TNFSF13B: variants seen among roughly 807,000 people sequenced by gnomAD.
TNFSF13B encodes the protein TNF superfamily member 13b.
In TNFSF13B, 8 loss-of-function variants were observed where a neutral mutation model predicts 29.1. The ratio of observed to expected loss-of-function variants is 0.27; its 90% CI spans 0.16 to 0.50. The LOEUF is 0.50. Ranked by LOEUF, TNFSF13B falls within the 20% of genes least tolerant of loss-of-function variation. The pLI, the probability that TNFSF13B is intolerant of heterozygous loss-of-function variation, is 0.98. For synonymous variants in TNFSF13B, 125 were observed against 130.8 expected (o/e 0.96, Z 0.30); for missense variants, 248 against 334.9 (o/e 0.74, Z 2.03).
At chr13:108,283,090 G>A (rs1881005071) in intron 2 of TNFSF13B, among the ~76,000 whole-genome samples, 1 of 152,160 alleles carries the variant, frequency 6.6e-6, no homozygotes, top group South Asian at 2.1e-4. Context: ...CTCTTTGTGA[G>A]GCAAATCTCT....
At chr13:108,301,021 C>G (rs1401871190) in intron 3 of TNFSF13B, among the ~76,000 whole-genome samples, 2 of 152,150 alleles carry the variant, frequency 1.3e-5, no homozygotes, top group Non-Finnish European at 2.9e-5. Flanking sequence ...TGGTTATCAC[C>G]TAGGATTCTT....
chr13:108,298,092 C>CT (rs1245015319), intron 3 of TNFSF13B, among the ~76,000 whole-genome samples: 1 of 144,676 alleles, frequency 6.9e-6, no homozygotes, highest in African/African-American at 2.6e-5. Context: ...ATTTTCACTT[C>CT]TTTTTTTTAG....
chr13:108,294,292 A>C (rs1594529811), intron 3 of TNFSF13B, among the ~76,000 whole-genome samples: 1 of 151,162 alleles, frequency 6.6e-6, no homozygotes, highest in Non-Finnish European at 1.5e-5. Flanking sequence ...TGATTCTCGC[A>C]CCTCAGCCTC....
intron 2 of TNFSF13B, among the ~76,000 whole-genome samples, chr13:108,282,307 A>G (rs987565082): frequency 3.3e-5 from 5 of 152,240 alleles, no homozygotes; most frequent in Non-Finnish European, 7.3e-5. Context: ...TGCGTTATTT[A>G]TGGTAGTTCA....
intron 2 of TNFSF13B, among the ~76,000 whole-genome samples, chr13:108,277,484 A>G (rs913710736): frequency 6.6e-6 from 1 of 151,992 alleles, no homozygotes; most frequent in Non-Finnish European, 1.5e-5. Flanking sequence ...GTCGCCAGAG[A>G]AATGTTACAG....
Position 108,307,226 on chromosome 13 carries a change from T to C in TNFSF13B, c.*288T>C, listed in dbSNP as rs1881804855. 3.9e-6 allele frequency: 1 copy of C among 259,224 alleles called. No homozygotes were observed. The allele number at this position is 259,224 out of a possible 1,614,324, so 16.1% of individuals were successfully genotyped here. On this transcript the variant is annotated 3_prime_UTR_variant, in exon 6 of 6. Coordinates refer to ENST00000375887, the MANE Select transcript of TNFSF13B (RefSeq NM_006573.5). ...TCATTATAATTCCATGTTGAACAAT[T>C]GAGTCATAGCTTCTTATCTTGGAGG...
intron 3 of TNFSF13B, among the ~76,000 whole-genome samples, chr13:108,294,176 T>A (rs1218340276): frequency 6.8e-6 from 1 of 146,286 alleles, no homozygotes; most frequent in East Asian, 2.3e-4. Context: ...TTTTTGTAAA[T>A]TCATGGATTT....
At chr13:108,286,733 T>C (rs1594524581) in intron 2 of TNFSF13B, 70 bp from the exon 3 acceptor site, 1 of 1,017,102 alleles carries the variant, frequency 9.8e-7, no homozygotes, top group Non-Finnish European at 1.5e-6. Flanking sequence ...AGTGGGTTTC[T>C]AGCTTTGTGT....
At chr13:108,300,833 C>T (rs778314874) in intron 3 of TNFSF13B, among the ~76,000 whole-genome samples, 1 of 152,138 alleles carries the variant, frequency 6.6e-6, no homozygotes. Context: ...AAGCACAGGC[C>T]GACAAGAACA....
chr13:108,300,456 T>C (rs1234049337), intron 3 of TNFSF13B, among the ~76,000 whole-genome samples: 2 of 152,144 alleles, frequency 1.3e-5, no homozygotes, highest in Non-Finnish European at 2.9e-5. Flanking sequence ...CATTAAACTA[T>C]GAAAGCAACT....
intron 2 of TNFSF13B, among the ~76,000 whole-genome samples, chr13:108,285,160 T>G (rs115679205): frequency 1.3e-5 from 2 of 152,056 alleles, no homozygotes; most frequent in Admixed American, 1.3e-4. Context: ...AAAAGCTTTA[T>G]AGTTATAAAG....
chr13:108,277,401 T>C (rs1403912345), intron 2 of TNFSF13B, among the ~76,000 whole-genome samples: 1 of 152,186 alleles, frequency 6.6e-6, no homozygotes, highest in African/African-American at 2.4e-5. Flanking sequence ...GCTATTCCCA[T>C]TGTTACAGGA....
intron 3 of TNFSF13B, among the ~76,000 whole-genome samples, chr13:108,287,868 G>C (rs537029736): frequency 6.6e-6 from 1 of 152,088 alleles, no homozygotes; most frequent in Non-Finnish European, 1.5e-5. Context: ...CTGAAACCAG[G>C]TTTACAAAGA....
intron 5 of TNFSF13B, among the ~76,000 whole-genome samples, chr13:108,304,195 T>C (rs1211770008): frequency 6.6e-6 from 1 of 152,178 alleles, no homozygotes; most frequent in East Asian, 1.9e-4. Flanking sequence ...GAAATGCCCC[T>C]GGCCAGGCTT....
intron 3 of TNFSF13B, among the ~76,000 whole-genome samples, chr13:108,287,640 T>C (rs1489733961): frequency 6.6e-6 from 1 of 152,132 alleles, no homozygotes; most frequent in African/African-American, 2.4e-5. Context: ...AAATATGAAT[T>C]CTCCTGTTAT....
intron 2 of TNFSF13B, 134 bp downstream of exon 2, chr13:108,270,558 A>T (rs1464675755): frequency 1.2e-6 from 1 of 863,392 alleles, no homozygotes; most frequent in Non-Finnish European, 1.8e-6. Context: ...CAAAGCAGAC[A>T]TTGCTTTAGA....
intron 3 of TNFSF13B, chr13:108,302,982 C>A: frequency 1.9e-6 from 1 of 529,440 alleles, no homozygotes; most frequent in Non-Finnish European, 2.7e-6. Flanking sequence ...GAAATATAGA[C>A]CAATAAAGGG....
intron 5 of TNFSF13B, among the ~76,000 whole-genome samples, chr13:108,304,784 A>T (rs1881723864): frequency 6.6e-6 from 1 of 152,172 alleles, no homozygotes. Flanking sequence ...AATAGTTTCT[A>T]ATAATGGAAA....
At chr13:108,287,497 C>A (rs1246077799) in intron 3 of TNFSF13B, among the ~76,000 whole-genome samples, 1 of 151,898 alleles carries the variant, frequency 6.6e-6, no homozygotes, top group Admixed American at 6.6e-5. Context: ...AGGAGAATGA[C>A]CTTAGAGGCA....
Sources: gnomAD v4.1 joint callset for allele counts (sites outside exome capture counted in the v4.1 genomes callset) on GRCh38, gnomAD v4.1.1 for gene constraint, MANE v1.5 for transcripts, NCBI Gene and HGNC (gene_info 2026-07-23, HGNC 2026-07-21) for gene names.